The following HIRIP3 variants were observed in gnomAD, a reference collection of about 807,000 sequenced individuals.
HIRIP3 encodes the protein HIRA interacting protein 3.
HIRIP3 carries 40 observed loss-of-function variants against 50.3 expected under a neutral mutation model. The ratio of observed to expected loss-of-function variants is 0.79; its 90% CI spans 0.62 to 1.03. The LOEUF (loss-of-function observed/expected upper bound fraction) is 1.03, where lower values mean the gene tolerates loss of function less well. Ranked by LOEUF, HIRIP3 falls within the 50% of genes least tolerant of loss-of-function variation. The pLI, the probability that HIRIP3 is intolerant of heterozygous loss-of-function variation, is 0.00. For missense variants in HIRIP3, 765 were observed against 705.4 expected (o/e 1.08, Z -0.96); for synonymous variants, 318 against 261.6 (o/e 1.22, Z -2.08).
chr16:29,995,170 C>A lies in HIRIP3; in HGVS notation c.234G>T (p.Lys78Asn), dbSNP rs1300573804. ...TACAAGGGGTGGGAGGCCTCTTGCC[C>A]TTCTTGGTAAGGTCCAGTTTGTCTT... ...SREDKLDLTK[K>N]GKRPPTPCSD... Residue 78 changes from lysine to asparagine, a missense_variant, in exon 3 of 7, where the codon AAG becomes AAT. Transcript: ENST00000279392. 1 of 1,614,248 alleles carries A rather than the reference C, an allele frequency of 6.2e-7. No individual in the cohort carries two copies. Among genetic ancestry groups the A allele is most frequent in the South Asian group, 1.1e-5 (1 of 91,086 alleles).
rs748227621 is a variant in HIRIP3, at chr16:29,994,572, C to T, written c.573G>A (p.Gln191=). 6.2e-7 allele frequency: 1 copy of T among 1,614,204 alleles called. No individual in the cohort carries two copies. The highest frequency in any genetic ancestry group is 8.5e-7 in the Non-Finnish European group (1 of 1,180,038). The change falls in exon 4 of 7, where the codon CAG becomes CAA. Residue 191 remains glutamine, a synonymous_variant. Transcript: ENST00000279392. ...CGCTCTCCTCACTTTCTTCCCTGGC[C>T]TGCTTCCTACTGACTGAGGCCTTGC... The part of the protein sequence containing the change: ...APGKASVSRK[Q]AREESEESEA...
rs963978126 is a variant in HIRIP3, at chr16:29,992,678, T to G, written c.*529A>C. 1 of 152,358 alleles carries G rather than the reference T, an allele frequency of 6.6e-6. No individual in the cohort carries two copies. Among genetic ancestry groups the G allele is most frequent in the Admixed American group, 6.5e-5 (1 of 15,302 alleles). The allele number at this position is 152,358 out of a possible 1,614,324, so 9.4% of individuals were successfully genotyped here. ...TGAGGCTAACAGCCCATGGACAAAG[T>G]GGCTGTTTGCATAAGGGAGAAGGCT... On this transcript the variant is annotated 3_prime_UTR_variant, in exon 7 of 7. Coordinates refer to ENST00000279392, the MANE Select transcript of HIRIP3 (RefSeq NM_003609.5).
At position 29,993,766 on chromosome 16, in the gene HIRIP3, TC is replaced by T. The variant is rs1039199342; in HGVS notation, c.1281del (p.Met427IlefsTer3). The T allele has an allele frequency of 4.3e-6, 7 of 1,610,570 alleles. No homozygotes were observed. Among genetic ancestry groups the T allele is most frequent in the Non-Finnish European group, 5.9e-6 (7 of 1,179,976 alleles). The part of the protein sequence containing the change: ...GRRGEDHPAV[M>X]RLKRYIRACG... ...CAGGCCCGAATGTAGCGCTTCAGCC[TC>T]ATCACAGCCGGGTGGTCCTCTCCAC... is the stretch of plus-strand genomic sequence containing the variant. On this transcript the variant is annotated frameshift_variant, in exon 5 of 7. Coordinates refer to ENST00000279392, the MANE Select transcript of HIRIP3 (RefSeq NM_003609.5). LOFTEE classifies it high-confidence loss of function.
At position 29,993,528 on chromosome 16, in the gene HIRIP3, G is replaced by C. The variant is rs201341216; in HGVS notation, c.1438C>G (p.Leu480Val). 1.2e-6 allele frequency: 2 copies of C among 1,613,890 alleles called. No individual in the cohort carries two copies. The highest frequency in any genetic ancestry group is 4.5e-5 in the East Asian group (2 of 44,880). The change falls in exon 6 of 7, where the codon CTG becomes GTG. Residue 480 changes from leucine (L) to valine (V), a missense_variant. Physicochemically the swap from Leu to Val is conservative, Grantham distance 32 (BLOSUM62 1). Coordinates refer to ENST00000279392, the MANE Select transcript of HIRIP3 (RefSeq NM_003609.5). Reference protein sequence around the residue: ...GTPSLGKCRALKEQREEAAEV... With the variant: ...GTPSLGKCRAVKEQREEAAEV... ...GCTGCCTCCTCCCTCTGCTCCTTCA[G>C]GGCCCGACACTTCCCTAGGGAAGGG...
In HIRIP3 at chr16:29,994,466, T is replaced by C; in HGVS notation, c.679A>G (p.Ser227Gly). Residue 227 changes from serine to glycine, a missense_variant, in exon 4 of 7, where the codon AGT (serine) becomes GGT (glycine). Transcript: ENST00000279392. ...TTCTGGGCTAGGATCTCCTCTTCAC[T>C]CTCCTGTTCACTTTCCTTCAGGCTT... ...TKSLKESEQE[S>G]EEEILAQKKE... 1 of 1,613,984 alleles carries C rather than the reference T, an allele frequency of 6.2e-7. No homozygotes were observed. Among genetic ancestry groups the C allele is most frequent in the Non-Finnish European group, 8.5e-7 (1 of 1,179,950 alleles).
At chr16:29,995,866 C>T, upstream of HIRIP3, 1 of 590,814 alleles carries the variant, frequency 1.7e-6, no homozygotes, top group South Asian at 2.1e-5. Context: ...TCGGCGCCGG[C>T]ACCCTTTGGG....
Position 29,994,365 on chromosome 16 carries a change from T to C in HIRIP3, c.780A>G (p.Arg260=), listed in dbSNP as rs773117037. ...ACTTTCTCCGGCCATTGCTCCTGGT[T>C]CTGGGTTTCCAATCCCCCTTTTCCT... ...EDEEKGDWKP[R]TRSNGRRKSA... Residue 260 remains arginine (R), a synonymous_variant, in exon 4 of 7, where the codon AGA becomes AGG. Transcript: ENST00000279392. 6 of 1,614,202 alleles carry C rather than the reference T, an allele frequency of 3.7e-6. No homozygotes were observed. The highest frequency in any genetic ancestry group is 5.1e-6 in the Non-Finnish European group (6 of 1,180,028).
chr16:29,995,134 C>T lies in HIRIP3; in HGVS notation c.270G>A (p.Glu90=), dbSNP rs761041939. Residue 90 remains glutamate (E), a synonymous_variant, in exon 3 of 7, where the codon GAG becomes GAA. Transcript: ENST00000279392. Reference sequence around the variant, plus strand: ...CTGAATTGAAGCGGAACCTTTTTCTCTCCGGGTCGCTACAAGGGGTGGGAG... The same window carrying T: ...CTGAATTGAAGCGGAACCTTTTTCTTTCCGGGTCGCTACAAGGGGTGGGAG... ...KRPPTPCSDP[E]RKRFRFNSES... 1.2e-6 allele frequency: 2 copies of T among 1,614,228 alleles called. No individual in the cohort carries two copies.
In HIRIP3 at chr16:29,993,670, G is replaced by A. The variant is rs372425223; in HGVS notation, c.1378C>T (p.Arg460Trp). 141 of 1,611,456 alleles carry A rather than the reference G, an allele frequency of 8.7e-5. No individual in the cohort carries two copies. The highest frequency in any genetic ancestry group is 1.1e-4 in the Non-Finnish European group (135 of 1,179,998). ...CSHKERLSIL[R>W]AELEALGMKG... ...ATGCCTAGCGCTTCCAGTTCTGCCC[G>A]GAGGATACTCAGGCGCTCCTTGTGT... Residue 460 changes from arginine to tryptophan, a missense_variant, in exon 5 of 7, where the codon CGG becomes TGG. Coordinates refer to ENST00000279392, the MANE Select transcript of HIRIP3 (RefSeq NM_003609.5).
At position 29,993,114 on chromosome 16, in the gene HIRIP3, G is replaced by T; in HGVS notation, c.*93C>A. On this transcript the variant is annotated 3_prime_UTR_variant, in exon 7 of 7. Coordinates refer to ENST00000279392, the MANE Select transcript of HIRIP3 (RefSeq NM_003609.5). ...GTCCTTGGGAGCTGCAGTCTTCTCT[G>T]AAGGAAGCTGCTTCTGTTCCACAGA... The T allele has an allele frequency of 8.1e-7, 1 of 1,239,718 alleles. No homozygotes were observed. Among genetic ancestry groups the T allele is most frequent in the Non-Finnish European group, 1.1e-6 (1 of 914,170 alleles). The allele number at this position is 1,239,718 out of a possible 1,614,324, so 76.8% of individuals were successfully genotyped here.
chr16:29,995,619 G>T, upstream of HIRIP3: 1 of 1,611,918 alleles, frequency 6.2e-7, no homozygotes, highest in Non-Finnish European at 8.5e-7. Context: ...GCTCAACCCG[G>T]GATTGACGGC....
rs879007282 is a variant in HIRIP3, at chr16:29,995,169, C to T, written c.235G>A (p.Gly79Ser). 5 of 1,614,222 alleles carry T rather than the reference C, an allele frequency of 3.1e-6. No individual in the cohort carries two copies. In the South Asian group the frequency reaches 4.4e-5, roughly 14 times the overall value. Reference sequence around the variant, plus strand: ...CTACAAGGGGTGGGAGGCCTCTTGCCCTTCTTGGTAAGGTCCAGTTTGTCT... The same window carrying T: ...CTACAAGGGGTGGGAGGCCTCTTGCTCTTCTTGGTAAGGTCCAGTTTGTCT... ...REDKLDLTKK[G>S]KRPPTPCSDP... is the part of the protein sequence containing the mutation. The change falls in exon 3 of 7, where the codon GGC becomes AGC. Residue 79 changes from glycine (G) to serine (S), a missense_variant. Gly to Ser is a moderately conservative substitution (Grantham distance 56). Transcript: ENST00000279392.
chr16:29,994,200 C>A lies in HIRIP3; in HGVS notation c.945G>T (p.Arg315Ser), dbSNP rs760357015. 6.2e-6 allele frequency: 10 copies of A among 1,613,996 alleles called. No individual in the cohort carries two copies. The highest frequency in any genetic ancestry group is 8.5e-6 in the Non-Finnish European group (10 of 1,179,978). ...TAAGCTGGGTCCTGTCCTCACTCTTCCTCTGCACTGGGGGTTCTCTATCTC... is the reference window on the plus strand; with the variant it reads ...TAAGCTGGGTCCTGTCCTCACTCTTACTCTGCACTGGGGGTTCTCTATCTC... Reference protein sequence around the residue: ...SGRDREPPVQRKSEDRTQLKG... With the variant: ...SGRDREPPVQSKSEDRTQLKG... Residue 315 changes from arginine (R) to serine (S), a missense_variant, in exon 4 of 7, where the codon AGG (arginine) becomes AGT (serine). Physicochemically the swap from Arg to Ser is moderately radical, Grantham distance 110. Transcript: ENST00000279392.
upstream of HIRIP3, chr16:29,995,737 A>G: frequency 1.7e-6 from 2 of 1,157,466 alleles, 1 homozygote. Flanking sequence ...TTGGCCGCGG[A>G]CCGCGTGGGC....
rs1261653253 is a variant in HIRIP3 at position 29,994,437 on chromosome 16, T to G, written c.708A>C (p.Lys236Asn). ...CCTCCACTTCCTCCTCTCTCTGCTC[T>G]TTCTTCTGGGCTAGGATCTCCTCTT... ...ESEEEILAQKKEQREEEVEEE... is the reference protein window; with the variant it reads ...ESEEEILAQKNEQREEEVEEE... Residue 236 changes from lysine to asparagine, a missense_variant, in exon 4 of 7, where the codon AAA (lysine) becomes AAC (asparagine). Lys to Asn is a moderately conservative substitution (Grantham distance 94, BLOSUM62 0). Transcript: ENST00000279392. The G allele has an allele frequency of 1.2e-6, 2 of 1,614,040 alleles. No homozygotes were observed. Among genetic ancestry groups the G allele is most frequent in the Non-Finnish European group, 1.7e-6 (2 of 1,179,948 alleles).
Position 29,992,839 on chromosome 16 carries a change from G to A in HIRIP3, c.*368C>T, listed in dbSNP as rs182718671. The A allele has an allele frequency of 2.5e-3, 440 of 178,260 alleles. 1 individual carries two copies. Among genetic ancestry groups the A allele is most frequent in the African/African-American group, 9.8e-3 (415 of 42,540 alleles). The allele number at this position is 178,260 out of a possible 1,614,324, so 11.0% of individuals were successfully genotyped here. ...ACACACCCTTCTCCAAAAGGGTCTG[G>A]TGGCTGTTGGATGACAGGGTCTGGA... On this transcript the variant is annotated 3_prime_UTR_variant, in exon 7 of 7. Transcript: ENST00000279392.
chr16:29,995,572 G>T lies in HIRIP3; in HGVS notation c.34C>A (p.Arg12Ser). The change falls in exon 1 of 7, where the codon CGT becomes AGT. Residue 12 changes from arginine to serine, a missense_variant. Transcript: ENST00000279392. ...AREKEMQEFT[R>S]SFFRGRPDLS... Reference sequence around the variant, plus strand: ...TCCGGGCGGCCTCGGAAGAAGCTACGGGTGAACTCCTGCATCTCCTTCTCC... The same window carrying T: ...TCCGGGCGGCCTCGGAAGAAGCTACTGGTGAACTCCTGCATCTCCTTCTCC... 4 of 1,612,682 alleles carry T rather than the reference G, an allele frequency of 2.5e-6. No individual in the cohort carries two copies. Among genetic ancestry groups the T allele is most frequent in the Admixed American group, 1.7e-5 (1 of 60,032 alleles).
In HIRIP3 at chr16:29,993,890, C is replaced by G. The variant is rs145321753; in HGVS notation, c.1239+16G>C. 1,936 of 1,583,034 alleles carry G rather than the reference C, an allele frequency of 1.2e-3. 23 individuals are homozygous for G. The African/African-American group carries it at 0.018, about 15-fold the overall frequency. ...CTCTTCCCTAATAGTGGCCTCCCAC[C>G]CCTCCTCACCCTCACCTTCCCTCCT... On this transcript the variant is annotated intron_variant, in intron 4 of 6. Transcript: ENST00000279392.
In HIRIP3 at chr16:29,994,692, C is replaced by T. The variant is rs1326637048; in HGVS notation, c.453G>A (p.Leu151=). 1 of 1,614,172 alleles carries T rather than the reference C, an allele frequency of 6.2e-7. No homozygotes were observed. The highest frequency in any genetic ancestry group is 1.1e-5 in the South Asian group (1 of 91,084). ...TGCTCTCCTCTCCCCTCTGTGCGGG[C>T]AGGTCCCTCTGCCGTTCCTCATCAC... ...ESSDEERQRD[L]PAQRGEESSE... Residue 151 remains leucine, a synonymous_variant, in exon 4 of 7, where the codon CTG becomes CTA. Transcript: ENST00000279392.
Sources: gnomAD v4.1 joint callset for allele counts on GRCh38, gnomAD v4.1.1 for gene constraint, MANE v1.5 for transcripts, NCBI Gene and HGNC (gene_info 2026-07-23, HGNC 2026-07-21) for gene names.